Variants in GNAT3 observed in about 807,000 individuals in gnomAD.
The protein encoded by GNAT3 is guanine nucleotide-binding protein G(t) subunit alpha-3.
GNAT3 carries 31 observed loss-of-function variants against 37.7 expected under a neutral mutation model. The observed-to-expected ratio is 0.82, with a 90% CI of 0.62 to 1.11. The LOEUF is 1.11. Ranked by LOEUF, GNAT3 falls within the 50% of genes most tolerant of loss-of-function variation. The pLI, the probability that GNAT3 is intolerant of heterozygous loss-of-function variation, is 0.00. For synonymous variants in GNAT3, 138 were observed against 139.8 expected (o/e 0.99, Z 0.09); for missense variants, 437 against 412.5 (o/e 1.06, Z -0.51).
chr7:80,470,291 G>C (rs549852128), intron 5 of GNAT3, among the ~76,000 whole-genome samples: 269 of 152,020 alleles, frequency 1.8e-3, no homozygotes, highest in Non-Finnish European at 2.9e-3. Context: ...GCGCGATCTT[G>C]GCTCACTGCA....
intron 5 of GNAT3, among the ~76,000 whole-genome samples, chr7:80,465,544 G>T (rs188394225): frequency 2.0e-5 from 3 of 152,064 alleles, no homozygotes; most frequent in African/African-American, 7.2e-5. Context: ...CACCACGATA[G>T]GTTCGATAGA....
In GNAT3 at chr7:80,478,979, TA is replaced by T; in HGVS notation, c.322del (p.Tyr108MetfsTer12). ...PRSAEDQRQL[Y>X]AMANTLEDGG... ...ATCTTCCAGGGTATTTGCCATTGCA[TA>T]AAGTTGTCGTTGGTCCTCCTAGAAC... is the stretch of plus-strand genomic sequence containing the variant. On this transcript the variant is annotated frameshift_variant, in exon 4 of 8. Transcript: ENST00000398291. LOFTEE classifies it high-confidence loss of function. The T allele has an allele frequency of 6.2e-7, 1 of 1,609,904 alleles. No homozygotes were observed. Among genetic ancestry groups the T allele is most frequent in the East Asian group, 2.2e-5 (1 of 44,764 alleles).
intron 1 of GNAT3, among the ~76,000 whole-genome samples, chr7:80,498,261 A>G (rs1278278203): frequency 6.6e-6 from 1 of 152,134 alleles, no homozygotes; most frequent in South Asian, 2.1e-4. Flanking sequence ...ATGTTATTGT[A>G]TAACAATTAT....
chr7:80,469,371 C>T (rs900258457), intron 5 of GNAT3, among the ~76,000 whole-genome samples: 3 of 152,072 alleles, frequency 2.0e-5, no homozygotes, highest in African/African-American at 7.2e-5. Flanking sequence ...TCTGCTAAAT[C>T]CCTGTAAATA....
chr7:80,469,720 A>G (rs997964870), intron 5 of GNAT3, among the ~76,000 whole-genome samples: 2 of 152,138 alleles, frequency 1.3e-5, no homozygotes, highest in African/African-American at 4.8e-5. Context: ...ATGCTAATGT[A>G]ATATATTTTA....
At chr7:80,479,717 A>C (rs1339596633) in intron 3 of GNAT3, among the ~76,000 whole-genome samples, 3 of 151,696 alleles carry the variant, frequency 2.0e-5, no homozygotes, top group African/African-American at 7.3e-5. Context: ...TCTCAAAAAA[A>C]AAAAAAAAAA....
chr7:80,474,353 G>T lies in GNAT3; in HGVS notation c.488C>A (p.Thr163Lys), dbSNP rs1219625295. 1 of 1,549,990 alleles carries T rather than the reference G, an allele frequency of 6.5e-7. No individual in the cohort carries two copies. Among genetic ancestry groups the T allele is most frequent in the South Asian group, 1.2e-5 (1 of 84,404 alleles). The change falls in exon 5 of 8, where the codon ACA becomes AAA. Residue 163 changes from threonine to lysine, a missense_variant. Thr to Lys is a moderately conservative substitution (Grantham distance 78). Coordinates refer to ENST00000398291, the MANE Select transcript of GNAT3 (RefSeq NM_001102386.3). ...TTCATTTGGCACATACCCAGATGCTGTTATTCTATCTAAATCATTAAGGTA... is the reference window on the plus strand; with the variant it reads ...TTCATTTGGCACATACCCAGATGCTTTTATTCTATCTAAATCATTAAGGTA... ...AYYLNDLDRI[T>K]ASGYVPNEQD...
intron 5 of GNAT3, among the ~76,000 whole-genome samples, chr7:80,468,041 G>A (rs899872546): frequency 3.9e-5 from 6 of 151,920 alleles, no homozygotes; most frequent in Admixed American, 3.3e-4. Context: ...TAAAATTTAT[G>A]ATGTAGCTAA....
intron 1 of GNAT3, among the ~76,000 whole-genome samples, chr7:80,504,877 G>T (rs957624315): frequency 6.6e-6 from 1 of 152,126 alleles, no homozygotes; most frequent in African/African-American, 2.4e-5. Flanking sequence ...AAGTGATGTT[G>T]GAAATGTGCG....
intron 3 of GNAT3, among the ~76,000 whole-genome samples, chr7:80,488,191 TA>T (rs1399890291): frequency 6.6e-6 from 1 of 152,060 alleles, no homozygotes; most frequent in Non-Finnish European, 1.5e-5. Context: ...ATGGCATAAC[TA>T]AAAAAATTAA....
At chr7:80,459,941 C>T (rs1292006885) in intron 7 of GNAT3, among the ~76,000 whole-genome samples, 1 of 152,168 alleles carries the variant, frequency 6.6e-6, no homozygotes, top group Non-Finnish European at 1.5e-5. Flanking sequence ...TCTTACAAAG[C>T]TAAAGATAGT....
intron 5 of GNAT3, among the ~76,000 whole-genome samples, chr7:80,473,755 T>G (rs1452462605): frequency 6.6e-6 from 1 of 152,158 alleles, no homozygotes; most frequent in African/African-American, 2.4e-5. Context: ...ATTTTCATAC[T>G]CAAAACATGG....
At chr7:80,478,488 GATGAA>G (rs1790340669) in intron 4 of GNAT3, among the ~76,000 whole-genome samples, 1 of 152,158 alleles carries the variant, frequency 6.6e-6, no homozygotes, top group African/African-American at 2.4e-5. Flanking sequence ...TATGGATAGA[GATGAA>G]ATGAATAGCC....
intron 5 of GNAT3, among the ~76,000 whole-genome samples, chr7:80,472,724 G>A (rs1790240507): frequency 6.6e-6 from 1 of 152,104 alleles, no homozygotes; most frequent in East Asian, 1.9e-4. Context: ...GACACAGAGA[G>A]TTCTACTGGC....
At chr7:80,461,269 T>C (rs1158675249) in intron 7 of GNAT3, among the ~76,000 whole-genome samples, 1 of 152,074 alleles carries the variant, frequency 6.6e-6, no homozygotes, top group Non-Finnish European at 1.5e-5. Flanking sequence ...TAAATATGGC[T>C]GGGTGCAATG....
At chr7:80,482,839 T>A (rs1387167660) in intron 3 of GNAT3, among the ~76,000 whole-genome samples, 2 of 151,820 alleles carry the variant, frequency 1.3e-5, no homozygotes, top group Non-Finnish European at 2.9e-5. Context: ...CCTTCCTTTT[T>A]AAAAAAATAT....
intron 2 of GNAT3, among the ~76,000 whole-genome samples, chr7:80,493,498 G>C (rs1048214013): frequency 6.6e-6 from 1 of 152,114 alleles, no homozygotes; most frequent in Non-Finnish European, 1.5e-5. Context: ...TTATTGACTG[G>C]CAGGCATCAC....
At chr7:80,505,339 A>T (rs1437419962) in intron 1 of GNAT3, among the ~76,000 whole-genome samples, 1 of 152,118 alleles carries the variant, frequency 6.6e-6, no homozygotes, top group African/African-American at 2.4e-5. Flanking sequence ...AGAATATAAA[A>T]TTCTGGTTAG....
chr7:80,489,570 A>G (rs1790553036), intron 2 of GNAT3, among the ~76,000 whole-genome samples: 1 of 152,160 alleles, frequency 6.6e-6, no homozygotes, highest in African/African-American at 2.4e-5. Flanking sequence ...CTTTGAAGAT[A>G]TTAGAAGCTT....
Sources: gnomAD v4.1 joint callset for allele counts (sites outside exome capture counted in the v4.1 genomes callset) on GRCh38, gnomAD v4.1.1 for gene constraint, MANE v1.5 for transcripts, NCBI Gene and HGNC (gene_info 2026-07-23, HGNC 2026-07-21) for gene names.